Variants in FGF12 observed in about 807,000 individuals in gnomAD.
The protein encoded by FGF12 is fibroblast growth factor 12.
In FGF12, 14 loss-of-function variants were observed where a neutral mutation model predicts 23.6. The observed-to-expected ratio is 0.59, with a 90% confidence interval of 0.39 to 0.93. The LOEUF is 0.93. Ranked by LOEUF, FGF12 falls within the 40% of genes least tolerant of loss-of-function variation. The pLI, the probability that FGF12 is intolerant of heterozygous loss-of-function variation, is 0.00. For synonymous variants in FGF12, 62 were observed against 77.3 expected (o/e 0.80, Z 1.04); for missense variants, 175 against 217.8 (o/e 0.80, Z 1.24).
intron 2 of FGF12, among the ~76,000 whole-genome samples, chr3:192,419,847 C>G (rs998273016): frequency 1.3e-5 from 2 of 152,120 alleles, no homozygotes; most frequent in African/African-American, 4.8e-5. Context: ...GAGCTAAACA[C>G]TTCTATATGG....
chr3:192,169,079 G>A (rs186192815), intron 5 of FGF12, among the ~76,000 whole-genome samples: 62 of 152,304 alleles, frequency 4.1e-4, no homozygotes, highest in African/African-American at 1.5e-3. Flanking sequence ...GGTGGCTCAC[G>A]CTTGTAATCC....
At chr3:192,158,393 C>CTTTCTTTCTTTTCTG (rs1368589642) in intron 5 of FGF12, among the ~76,000 whole-genome samples, 1 of 79,232 alleles carries the variant, frequency 1.3e-5, no homozygotes, top group Non-Finnish European at 2.1e-5. Flanking sequence ...TTTTCTTTCT[C>CTTTCTTTCTTTTCTG]TCTCTTTCTT....
At chr3:192,167,768 TA>T (rs1216698985) in intron 5 of FGF12, among the ~76,000 whole-genome samples, 917 of 25,602 alleles carry the variant, frequency 0.036, 91 homozygotes, top group Non-Finnish European at 0.047. Flanking sequence ...TATATATATA[TA>T]AAATTTTTTT....
intron 4 of FGF12, among the ~76,000 whole-genome samples, chr3:192,228,592 C>T (rs1372875246): frequency 6.6e-6 from 1 of 151,978 alleles, no homozygotes; most frequent in Admixed American, 6.6e-5. Flanking sequence ...ACCATGCCCT[C>T]GGGTGATTTT....
chr3:192,351,124 T>C (rs1427328831), intron 3 of FGF12, among the ~76,000 whole-genome samples: 1 of 152,240 alleles, frequency 6.6e-6, no homozygotes, highest in Admixed American at 6.5e-5. Flanking sequence ...GTAATGTGTT[T>C]AAAATAAAAA....
intron 2 of FGF12, among the ~76,000 whole-genome samples, chr3:192,561,450 CCTCCTGGGTTCAAGCGATT>C (rs1211755514): frequency 2.4e-4 from 37 of 152,124 alleles, no homozygotes; most frequent in African/African-American, 8.4e-4. Flanking sequence ...GTAACCTCCA[CCTCCTGGGTTCAAGCGATT>C]CTCCTGCCTC....
In FGF12 at chr3:192,139,831, T is replaced by A. The variant is rs1259234347; in HGVS notation, c.*4178A>T. ...TTAACTTGGGCTCCAGGAAAAATCCTGAAAAAGAAAGATCAGCATCTAGCA... is the reference window on the plus strand; with the variant it reads ...TTAACTTGGGCTCCAGGAAAAATCCAGAAAAAGAAAGATCAGCATCTAGCA... On this transcript the variant is annotated 3_prime_UTR_variant, in exon 6 of 6. Transcript: ENST00000445105. 1 of 152,124 alleles carries A rather than the reference T, an allele frequency of 6.6e-6. No homozygotes were observed. The highest frequency in any genetic ancestry group is 1.5e-5 in the Non-Finnish European group (1 of 67,952). The allele number at this position is 152,124 out of a possible 1,614,324, so 9.4% of individuals were successfully genotyped here. A position where few individuals can be genotyped will look rare whatever the true frequency, so the allele number is the denominator to read the frequency against.
At chr3:192,543,131 T>C (rs1215667187) in intron 2 of FGF12, among the ~76,000 whole-genome samples, 1 of 126,726 alleles carries the variant, frequency 7.9e-6, no homozygotes, top group African/African-American at 3.0e-5. Context: ...TCTAGCGATG[T>C]TTTTCAGAAG....
intron 2 of FGF12, among the ~76,000 whole-genome samples, chr3:192,528,869 G>A (rs1725017516): frequency 6.6e-6 from 1 of 152,044 alleles, no homozygotes; most frequent in Admixed American, 6.5e-5. Flanking sequence ...TGGGACACAG[G>A]GCACCAAGTT....
chr3:192,548,852 G>C (rs1212902693), intron 2 of FGF12, among the ~76,000 whole-genome samples: 1 of 151,796 alleles, frequency 6.6e-6, no homozygotes, highest in Non-Finnish European at 1.5e-5. Context: ...AAATGGAAAG[G>C]AAAGCTGATT....
chr3:192,171,716 T>C (rs1373535109), intron 4 of FGF12, among the ~76,000 whole-genome samples: 3 of 152,172 alleles, frequency 2.0e-5, no homozygotes, highest in Non-Finnish European at 1.5e-5. Context: ...TTCCTCTCCA[T>C]GAACTGGAAG....
chr3:192,685,059 C>CTT (rs948791755), intron 2 of FGF12, among the ~76,000 whole-genome samples: 1 of 149,160 alleles, frequency 6.7e-6, no homozygotes, highest in Non-Finnish European at 1.5e-5. Context: ...AAGTTAGTAT[C>CTT]TTTTTTTTTT....
intron 2 of FGF12, chr3:192,726,782 T>G: frequency 4.6e-6 from 1 of 217,068 alleles, no homozygotes; most frequent in African/African-American, 2.2e-5. Context: ...TAGCAATGCA[T>G]TATTGGATAT....
At chr3:192,567,681 G>GT (rs1712364355) in intron 2 of FGF12, among the ~76,000 whole-genome samples, 3 of 152,024 alleles carry the variant, frequency 2.0e-5, no homozygotes, top group Admixed American at 6.5e-5. Context: ...TCCTTGGCTT[G>GT]TGGTGCATAA....
Position 192,514,990 on chromosome 3 carries a change from C to T in FGF12, c.14-154452G>A. 1 of 341,110 alleles carries T rather than the reference C, an allele frequency of 2.9e-6. No individual in the cohort carries two copies. Among genetic ancestry groups the T allele is most frequent in the Non-Finnish European group, 4.1e-6 (1 of 240,968 alleles). 21.1% of individuals were successfully genotyped at this position (341,110 alleles called of 1,614,324 possible). A position where few individuals can be genotyped will look rare whatever the true frequency, so the allele number is the denominator to read the frequency against. ...CCGAGAGCCCGAGGCGCTGCCACCC[C>T]TCGGTGGGCTCGAGCACGGCCCCTT... On this transcript the variant is annotated intron_variant, in intron 2 of 5. Coordinates refer to ENST00000445105, the MANE Select transcript of FGF12 (RefSeq NM_004113.6). The surrounding 1 kb of genome is among the most constrained non-coding windows in gnomAD (Gnocchi z 4.9).
chr3:192,140,146 A>G lies in FGF12; in HGVS notation c.*3863T>C, dbSNP rs1258244255. On this transcript the variant is annotated 3_prime_UTR_variant, in exon 6 of 6. Transcript: ENST00000445105. ...TCTTTATTTTTGATTACCTATGACT[A>G]AAGACCACAAATCAAATAAAAACTC... 6.6e-6 allele frequency: 1 copy of G among 152,100 alleles called. No individual in the cohort carries two copies. The highest frequency in any genetic ancestry group is 2.4e-5 in the African/African-American group (1 of 41,448). The allele number at this position is 152,100 out of a possible 1,614,324, so 9.4% of individuals were successfully genotyped here. A position where few individuals can be genotyped will look rare whatever the true frequency, so the allele number is the denominator to read the frequency against.
intron 2 of FGF12, among the ~76,000 whole-genome samples, chr3:192,721,921 C>T (rs1354370163): frequency 1.3e-5 from 2 of 152,104 alleles, no homozygotes; most frequent in Non-Finnish European, 2.9e-5. Flanking sequence ...TATATTCTAG[C>T]CTCCCGGATA....
intron 4 of FGF12, among the ~76,000 whole-genome samples, chr3:192,297,364 A>G (rs1230753005): frequency 6.6e-6 from 1 of 152,240 alleles, no homozygotes; most frequent in Non-Finnish European, 1.5e-5. Context: ...ATTGGAACTC[A>G]AAGACCACAT....
At chr3:192,495,957 C>A (rs1218604478) in intron 2 of FGF12, among the ~76,000 whole-genome samples, 1 of 152,084 alleles carries the variant, frequency 6.6e-6, no homozygotes, top group African/African-American at 2.4e-5. Context: ...GATACTGTGC[C>A]CAGCCTAATC....
Sources: gnomAD v4.1 joint callset for allele counts (sites outside exome capture counted in the v4.1 genomes callset) on GRCh38, gnomAD v4.1.1 for gene constraint, Gnocchi (gnomAD v3.1) non-coding constraint, MANE v1.5 for transcripts, NCBI Gene and HGNC (gene_info 2026-07-23, HGNC 2026-07-21) for gene names.